SLX4: variants seen among roughly 807,000 people sequenced by gnomAD.
SLX4 encodes the protein structure-specific endonuclease subunit SLX4.
SLX4 carries 112 observed loss-of-function variants against 146.2 expected under a neutral mutation model. That is an observed-to-expected ratio of 0.77 (90% CI 0.66 to 0.90). The LOEUF is 0.90. Among genes scored for constraint, SLX4 ranks in the 40% least tolerant of loss-of-function variants. SLX4 has a pLI of 0.00. For missense variants in SLX4, 2,563 were observed against 2,392.7 expected (o/e 1.07, Z -1.49); for synonymous variants, 1,061 against 997.7 (o/e 1.06, Z -1.20).
intron 9 of SLX4, 70 bp downstream of exon 9, chr16:3,595,535 C>T (rs900195051): frequency 9.6e-6 from 15 of 1,560,888 alleles, no homozygotes; most frequent in Middle Eastern, 1.8e-4. Flanking sequence ...CAGCGGTGAG[C>T]CAACCCCACC....
chr16:3,586,117 C>T (rs2040505498), intron 12 of SLX4, among the ~76,000 whole-genome samples: 2 of 152,178 alleles, frequency 1.3e-5, no homozygotes, highest in Non-Finnish European at 2.9e-5. Context: ...ACACAGTTGC[C>T]ATATGACCCA....
chr16:3,611,065 G>A (rs2040861800), intron 1 of SLX4, among the ~76,000 whole-genome samples: 1 of 152,160 alleles, frequency 6.6e-6, no homozygotes, highest in African/African-American at 2.4e-5. Flanking sequence ...ATGACATAAC[G>A]GATCCTGCAA....
Position 3,602,115 on chromosome 16 carries a change from C to A in SLX4, c.950+3G>T, listed in dbSNP as rs748822509. 3.9e-5 allele frequency: 63 copies of A among 1,613,954 alleles called. No individual in the cohort carries two copies. Among genetic ancestry groups the A allele is most frequent in the Non-Finnish European group, 4.3e-5 (51 of 1,180,026 alleles). ...GAGAGGCGACGGCCCAAGCTGCCCC[C>A]ACCTGTTCACATGCTGTTCCCTTCG... On this transcript the variant is annotated splice_donor_region_variant and intron_variant, in intron 4 of 14. Coordinates refer to ENST00000294008, the MANE Select transcript of SLX4 (RefSeq NM_032444.4).
rs2151122288 is a variant in SLX4, at chr16:3,589,626, G to C, written c.4012C>G (p.Gln1338Glu). 1.9e-6 allele frequency: 3 copies of C among 1,613,986 alleles called. No individual in the cohort carries two copies. The highest frequency in any genetic ancestry group is 2.5e-6 in the Non-Finnish European group (3 of 1,180,018). Residue 1338 changes from glutamine (Q) to glutamate (E), a missense_variant, in exon 12 of 15, where the codon CAA (glutamine) becomes GAA (glutamate). Transcript: ENST00000294008. This position sits in a 1 kb window ranked among gnomAD's most constrained non-coding sequence, Gnocchi z 6.2. ...VSPGTSDGRR[Q>E]GHRSPSRPHP... ...GGACGGGAAGGGCTTCTGTGGCCTT[G>C]CCTTCTGCCGTCAGAAGTTCCTGGA... is the stretch of plus-strand genomic sequence containing the variant.
chr16:3,609,801 T>C (rs1269557471), intron 1 of SLX4, among the ~76,000 whole-genome samples: 1 of 152,230 alleles, frequency 6.6e-6, no homozygotes, highest in Non-Finnish European at 1.5e-5. Flanking sequence ...AATATGTGCA[T>C]CTTGGGAGAG....
chr16:3,581,535 C>T lies in SLX4; in HGVS notation c.*807G>A, dbSNP rs115690937. On this transcript the variant is annotated 3_prime_UTR_variant, in exon 15 of 15. Coordinates refer to ENST00000294008, the MANE Select transcript of SLX4 (RefSeq NM_032444.4). The stretch of plus-strand genomic sequence containing the variant: ...CTCAGGACACCTGGTCTCAGGCTGG[C>T]GGTGGCTGGGGTTGGCCTGAGTGCT... The T allele has an allele frequency of 0.017, 2,559 of 153,428 alleles. 92 individuals are homozygous for T. The highest frequency in any genetic ancestry group is 0.058 in the African/African-American group (2,420 of 41,572). The allele number at this position is 153,428 out of a possible 1,614,324, so 9.5% of individuals were successfully genotyped here. A position where few individuals can be genotyped will look rare whatever the true frequency, so the allele number is the denominator to read the frequency against.
intron 11 of SLX4, among the ~76,000 whole-genome samples, chr16:3,591,614 G>C (rs1255131100): frequency 1.3e-5 from 2 of 152,206 alleles, no homozygotes; most frequent in Non-Finnish European, 1.5e-5. Context: ...TGGGGAGTCT[G>C]TGCTGCCTCA....
At chr16:3,591,348 G>A (rs779292841) in intron 11 of SLX4, 38 bp from the exon 12 acceptor site, 11 of 1,604,300 alleles carry the variant, frequency 6.9e-6, no homozygotes, top group African/African-American at 1.3e-5. Context: ...GCCCCTCTGC[G>A]TGGAGATGGG....
At chr16:3,599,500 G>T (rs1024404461) in intron 5 of SLX4, among the ~76,000 whole-genome samples, 3 of 152,228 alleles carry the variant, frequency 2.0e-5, no homozygotes, top group African/African-American at 7.2e-5. Flanking sequence ...TGTGAGCAAG[G>T]CAACTCATTT....
intron 3 of SLX4, among the ~76,000 whole-genome samples, chr16:3,604,491 A>C (rs2040761731): frequency 2.0e-5 from 3 of 152,116 alleles, no homozygotes; most frequent in Admixed American, 2.0e-4. Context: ...AAAGGATCCT[A>C]ATGTCTATAA....
At position 3,584,815 on chromosome 16, in the gene SLX4, G is replaced by A; in HGVS notation, c.4693C>T (p.Gln1565Ter). Residue 1565 changes from glutamine to a stop codon, truncating the protein, a stop_gained, in exon 13 of 15, where the codon CAG becomes TAG. Coordinates refer to ENST00000294008, the MANE Select transcript of SLX4 (RefSeq NM_032444.4). LOFTEE classifies it high-confidence loss of function. The part of the protein sequence containing the change: ...PPKVPITPMP[Q>*]YSIMETPVLK... ...ACCGGCGTCTCCATAATGGAATACT[G>A]TGGCATCGGCGTTATGGGCACTTTG... The A allele has an allele frequency of 6.2e-7, 1 of 1,614,166 alleles. No individual in the cohort carries two copies. Among genetic ancestry groups the A allele is most frequent in the South Asian group, 1.1e-5 (1 of 91,086 alleles).
chr16:3,608,821 A>T lies in SLX4; in HGVS notation c.144T>A (p.Asp48Glu). ...TAGCGCAGAGTTCTTTAAAGTCCTCATCAGACTCATCCATCATCTGACCAG... is the reference window on the plus strand; with the variant it reads ...TAGCGCAGAGTTCTTTAAAGTCCTCTTCAGACTCATCCATCATCTGACCAG... ...LKTGQMMDES[D>E]EDFKELCASF... Residue 48 changes from aspartate (D) to glutamate (E), a missense_variant, in exon 2 of 15, where the codon GAT becomes GAA. By Grantham distance (45) the Asp-to-Glu change is conservative. Transcript: ENST00000294008. 1 of 1,614,110 alleles carries T rather than the reference A, an allele frequency of 6.2e-7. No individual in the cohort carries two copies. The highest frequency in any genetic ancestry group is 8.5e-7 in the Non-Finnish European group (1 of 1,180,028).
intron 4 of SLX4, chr16:3,601,880 G>C: frequency 2.0e-6 from 1 of 512,274 alleles, no homozygotes; most frequent in South Asian, 2.0e-5. Flanking sequence ...AGTGATTGTG[G>C]TGACAGTTGC....
intron 9 of SLX4, 140 bp downstream of exon 9, chr16:3,595,465 C>T: frequency 1.1e-6 from 1 of 908,180 alleles, no homozygotes; most frequent in Non-Finnish European, 1.7e-6. Flanking sequence ...CAGGATGTGG[C>T]AGCCTTCTGG....
chr16:3,597,891 G>A lies in SLX4; in HGVS notation c.1272C>T (p.Ala424=), dbSNP rs2151131919. 1.9e-6 allele frequency: 3 copies of A among 1,614,146 alleles called. No homozygotes were observed. Among genetic ancestry groups the A allele is most frequent in the Non-Finnish European group, 2.5e-6 (3 of 1,180,032 alleles). The part of the protein sequence containing the change: ...DEAPSEDLLV[A]MALSRSEMEP... ...CCATCTCCGACCGGGACAGAGCCAT[G>A]GCCACCAGCAGGTCCTCGGACGGTG... Residue 424 remains alanine, a synonymous_variant, in exon 6 of 15, where the codon GCC becomes GCT. Transcript: ENST00000294008. The surrounding 1 kb of genome is among the most constrained non-coding windows in gnomAD (Gnocchi z 4.4).
At chr16:3,607,862 T>G (rs558613176) in intron 2 of SLX4, among the ~76,000 whole-genome samples, 2 of 152,354 alleles carry the variant, frequency 1.3e-5, no homozygotes, top group African/African-American at 2.4e-5. Flanking sequence ...TTACCCACTT[T>G]GGAATAAATT....
intron 11 of SLX4, among the ~76,000 whole-genome samples, chr16:3,592,404 T>C (rs1416502335): frequency 1.3e-5 from 2 of 152,168 alleles, no homozygotes; most frequent in Non-Finnish European, 2.9e-5. Context: ...TGGGGGGCGC[T>C]GTAGCCAAGG....
In SLX4 at chr16:3,608,736, G is replaced by A. The variant is rs1475100196; in HGVS notation, c.229C>T (p.Gln77Ter). The A allele has an allele frequency of 6.2e-7, 1 of 1,614,170 alleles. No homozygotes were observed. Among genetic ancestry groups the A allele is most frequent in the East Asian group, 2.2e-5 (1 of 44,886 alleles). The change falls in exon 2 of 15, where the codon CAA (glutamine) becomes TAA (stop). Residue 77 changes from glutamine (Q) to a stop codon, truncating the protein, a stop_gained. Coordinates refer to ENST00000294008, the MANE Select transcript of SLX4 (RefSeq NM_032444.4). LOFTEE classifies it high-confidence loss of function. Reference protein sequence around the residue: ...IKEVSGERKTQKAASNGTQIR... With the variant: ...IKEVSGERKT ...TGAGTGCCGTTTGAGGCAGCCTTTT[G>A]TGTCTTCCTTTCTCCTGACACTTCC...
chr16:3,583,590 G>A lies in SLX4; in HGVS notation c.4740-80C>T, dbSNP rs2040470187. 6.1e-6 allele frequency: 9 copies of A among 1,474,646 alleles called. No homozygotes were observed. The Admixed American group carries it at 1.5e-4, about 25-fold the overall frequency. 91.3% of individuals were successfully genotyped at this position (1,474,646 alleles called of 1,614,324 possible). On this transcript the variant is annotated intron_variant, in intron 13 of 14. Transcript: ENST00000294008. ...CACGTTCCCTATCTTAGCAAAGAGT[G>A]ATACCCAATGCATTCAGCGAATGGC...
Sources: gnomAD v4.1 joint callset for allele counts (sites outside exome capture counted in the v4.1 genomes callset) on GRCh38, gnomAD v4.1.1 for gene constraint, Gnocchi (gnomAD v3.1) non-coding constraint, MANE v1.5 for transcripts, NCBI Gene and HGNC (gene_info 2026-07-23, HGNC 2026-07-21) for gene names.